The following MMP26 variants were observed in gnomAD, a reference collection of about 807,000 sequenced individuals.
MMP26 encodes matrix metallopeptidase 26.
MMP26 carries 33 observed loss-of-function variants against 31.0 expected under a neutral mutation model. The ratio of observed to expected loss-of-function variants is 1.06; its 90% confidence interval spans 0.81 to 1.42. The LOEUF (loss-of-function observed/expected upper bound fraction) is 1.42. Ranked by LOEUF, MMP26 falls within the 40% of genes most tolerant of loss-of-function variation. MMP26 has a pLI of 0.00. For missense variants in MMP26, 347 were observed against 316.1 expected (o/e 1.10, Z -0.74); for synonymous variants, 122 against 114.9 (o/e 1.06, Z -0.40).
chr11:4,746,048 G>A (rs1848376021), intron 1 of MMP26, among the ~76,000 whole-genome samples: 2 of 152,162 alleles, frequency 1.3e-5, no homozygotes, highest in South Asian at 4.1e-4. Flanking sequence ...TAGTTGTTAT[G>A]TATTCAGACT....
intron 1 of MMP26, among the ~76,000 whole-genome samples, chr11:4,747,801 A>T (rs77659912): frequency 0.13 from 19,565 of 152,060 alleles, 1,304 homozygotes; most frequent in African/African-American, 0.14. Flanking sequence ...CAGCAAAAAC[A>T]GTACTGAGAG....
intron 2 of MMP26, among the ~76,000 whole-genome samples, chr11:4,878,431 A>T (rs892700901): frequency 1.3e-5 from 2 of 152,124 alleles, no homozygotes; most frequent in Admixed American, 6.6e-5. Flanking sequence ...AAAAAATATT[A>T]AAAATAAATA....
At chr11:4,828,424 T>C (rs1203848008) in intron 2 of MMP26, among the ~76,000 whole-genome samples, 2 of 152,160 alleles carry the variant, frequency 1.3e-5, no homozygotes, top group Non-Finnish European at 2.9e-5. Context: ...CTGGACACAA[T>C]GCATTGTTCA....
chr11:4,964,061 G>A (rs77949778), intron 2 of MMP26, among the ~76,000 whole-genome samples: 1 of 152,104 alleles, frequency 6.6e-6, no homozygotes, highest in Non-Finnish European at 1.5e-5. Context: ...TATGTAGGTT[G>A]TCTCTTTACT....
intron 1 of MMP26, chr11:4,710,491 C>T (rs1280192692): frequency 2.3e-6 from 1 of 433,960 alleles, no homozygotes; most frequent in South Asian, 1.6e-5. Flanking sequence ...GTGCTCAAAG[C>T]ATTTCTTTCT....
At chr11:4,764,874 T>TCTCA (rs1554930889) in intron 1 of MMP26, among the ~76,000 whole-genome samples, 1 of 151,288 alleles carries the variant, frequency 6.6e-6, no homozygotes, top group Non-Finnish European at 1.5e-5. Flanking sequence ...CGAGACTCCA[T>TCTCA]CACAGACACA....
chr11:4,945,721 C>T, intron 2 of MMP26: 1 of 215,070 alleles, frequency 4.6e-6, no homozygotes, highest in South Asian at 7.2e-5. Context: ...GCACATGTAT[C>T]CCAATATGGA....
At chr11:4,879,963 A>G (rs923599145) in intron 2 of MMP26, among the ~76,000 whole-genome samples, 1 of 152,104 alleles carries the variant, frequency 6.6e-6, no homozygotes, top group Non-Finnish European at 1.5e-5. Context: ...GAATGGTTAT[A>G]GTTATTTGAC....
chr11:4,866,461 A>C (rs1251432614), intron 2 of MMP26, among the ~76,000 whole-genome samples: 1 of 152,192 alleles, frequency 6.6e-6, no homozygotes, highest in Non-Finnish European at 1.5e-5. Flanking sequence ...AAAACATTTA[A>C]TGCTCATGGA....
At chr11:4,958,300 G>A (rs2133617991) in intron 2 of MMP26, among the ~76,000 whole-genome samples, 1 of 152,300 alleles carries the variant, frequency 6.6e-6, no homozygotes, top group East Asian at 1.9e-4. Context: ...CCTCTTGCTA[G>A]CGCGAACAAT....
chr11:4,983,552 A>G lies in MMP26; in HGVS notation c.-144-4516A>G, dbSNP rs564826207. On this transcript the variant is annotated intron_variant, in intron 2 of 7. Coordinates refer to ENST00000380390, the MANE Select transcript of MMP26 (RefSeq NM_021801.5). Reference sequence around the variant, plus strand: ...GATGGGAAACAATTCAAAATCTGCTAGGAGAGGTCCTAGGCACAGGCCAGA... The same window carrying G: ...GATGGGAAACAATTCAAAATCTGCTGGGAGAGGTCCTAGGCACAGGCCAGA... Among the ~76,000 whole-genome samples, 340 of 152,334 alleles carry G rather than the reference A, an allele frequency of 2.2e-3. 2 individuals carry two copies. The highest frequency in any genetic ancestry group is 8.1e-3 in the African/African-American group (335 of 41,582).
chr11:4,754,438 A>G (rs1355700797), intron 1 of MMP26, among the ~76,000 whole-genome samples: 2 of 152,040 alleles, frequency 1.3e-5, no homozygotes, highest in Admixed American at 1.3e-4. Flanking sequence ...TAATTAGATT[A>G]CTGAAACTTA....
intron 2 of MMP26, among the ~76,000 whole-genome samples, chr11:4,813,274 G>T (rs1023146057): frequency 6.6e-6 from 1 of 152,028 alleles, no homozygotes; most frequent in South Asian, 2.1e-4. Context: ...CCTAAAGATG[G>T]CCTTGTATTT....
intron 2 of MMP26, chr11:4,944,761 G>A (rs1294662073): frequency 6.6e-6 from 1 of 151,854 alleles, no homozygotes; most frequent in East Asian, 1.9e-4. Context: ...CAATAAATTT[G>A]TCTTTAACAT....
intron 1 of MMP26, among the ~76,000 whole-genome samples, chr11:4,739,130 A>C (rs1170925911): frequency 6.6e-6 from 1 of 152,216 alleles, no homozygotes; most frequent in Non-Finnish European, 1.5e-5. Context: ...ATAGGAGTGA[A>C]CTAGATACAC....
At chr11:4,817,143 T>C (rs1314709005) in intron 2 of MMP26, among the ~76,000 whole-genome samples, 1 of 152,122 alleles carries the variant, frequency 6.6e-6, no homozygotes, top group African/African-American at 2.4e-5. Context: ...TATAAAATCA[T>C]AGCTATAAGA....
intron 2 of MMP26, among the ~76,000 whole-genome samples, chr11:4,783,920 G>A (rs36009426): frequency 0.095 from 14,446 of 152,194 alleles, 860 homozygotes; most frequent in Middle Eastern, 0.15. Flanking sequence ...GCCATGTGGA[G>A]CTTTAAGTCC....
chr11:4,932,890 A>G (rs192954826), intron 2 of MMP26, among the ~76,000 whole-genome samples: 11 of 152,226 alleles, frequency 7.2e-5, no homozygotes, highest in Admixed American at 7.2e-4. Context: ...ATCTTTGTTA[A>G]GTATATTTAT....
intron 2 of MMP26, among the ~76,000 whole-genome samples, chr11:4,910,996 C>T (rs1444585152): frequency 2.0e-5 from 3 of 152,294 alleles, no homozygotes; most frequent in Admixed American, 6.5e-5. Context: ...AAAGTAAAAA[C>T]TGTAATGTCT....
Sources: gnomAD v4.1 joint callset for allele counts (sites outside exome capture counted in the v4.1 genomes callset) on GRCh38, gnomAD v4.1.1 for gene constraint, MANE v1.5 for transcripts, NCBI Gene and HGNC (gene_info 2026-07-23, HGNC 2026-07-21) for gene names.